SUGCT: variants seen among roughly 807,000 people sequenced by gnomAD.
The protein encoded by SUGCT is succinyl-CoA:glutarate-CoA transferase, also known as succinyl-CoA:glutarate CoA-transferase.
Under a neutral mutation model 55.0 loss-of-function variants are expected in SUGCT, and 41 were observed. The ratio of observed to expected loss-of-function variants is 0.74; its 90% CI spans 0.58 to 0.97. The LOEUF is 0.97. Among genes scored for constraint, SUGCT ranks in the 50% least tolerant of loss-of-function variants. SUGCT has a pLI of 0.00. For missense variants in SUGCT, 568 were observed against 547.8 expected, an observed-to-expected ratio of 1.04 and a Z score of -0.37; for synonymous variants, 187 against 200.4, an observed-to-expected ratio of 0.93 and a Z score of 0.56.
At chr7:40,817,371 G>A (rs923949708) in intron 13 of SUGCT, among the ~76,000 whole-genome samples, 8 of 152,004 alleles carry the variant, frequency 5.3e-5, no homozygotes, top group African/African-American at 1.2e-4. Context: ...CTGGGGAGTC[G>A]GGGGAAAAAA....
At chr7:40,402,423 G>A (rs1004930325) in intron 9 of SUGCT, among the ~76,000 whole-genome samples, 1 of 152,064 alleles carries the variant, frequency 6.6e-6, no homozygotes, top group African/African-American at 2.4e-5. Context: ...GAAAACAACT[G>A]CCTCAATTAA....
intron 9 of SUGCT, among the ~76,000 whole-genome samples, chr7:40,423,738 A>G (rs1031166581): frequency 6.6e-6 from 1 of 152,150 alleles, no homozygotes; most frequent in Non-Finnish European, 1.5e-5. Flanking sequence ...ACAGGATACT[A>G]TTGAAAAGGT....
At chr7:40,209,795 C>CA (rs1263199827) in intron 6 of SUGCT, among the ~76,000 whole-genome samples, 1 of 151,678 alleles carries the variant, frequency 6.6e-6, no homozygotes, top group Non-Finnish European at 1.5e-5. Context: ...GACTCTATCT[C>CA]AAAACAAAAC....
chr7:40,590,077 A>G (rs1026231296), intron 12 of SUGCT, among the ~76,000 whole-genome samples: 1 of 152,088 alleles, frequency 6.6e-6, no homozygotes, highest in African/African-American at 2.4e-5. Flanking sequence ...CATCATTAGT[A>G]TATCTGTTAT....
chr7:40,450,920 C>T (rs1210960059), intron 10 of SUGCT, among the ~76,000 whole-genome samples: 3 of 152,058 alleles, frequency 2.0e-5, no homozygotes, highest in Admixed American at 6.6e-5. Context: ...TGGGAAGGAC[C>T]AGGGAGAAGC....
chr7:40,917,147 C>A, the SUGCT span, among the ~76,000 whole-genome samples: 2 of 152,220 alleles, frequency 1.3e-5, no homozygotes, highest in Admixed American at 6.5e-5. Flanking sequence ...GGTTGAGAAG[C>A]ATTAGCTCCC....
intron 8 of SUGCT, among the ~76,000 whole-genome samples, chr7:40,304,719 G>GAAT (rs199825643): frequency 1.9e-3 from 123 of 63,228 alleles, no homozygotes; most frequent in Admixed American, 3.5e-3. Context: ...ACTTCACTTA[G>GAAT]AATAATAATA....
chr7:40,710,972 T>C (rs1438449291), intron 12 of SUGCT, among the ~76,000 whole-genome samples: 2 of 152,104 alleles, frequency 1.3e-5, no homozygotes, highest in Admixed American at 6.5e-5. Context: ...AAGGAAGGAA[T>C]TGGGAGTACA....
chr7:40,575,041 C>T (rs1201685564), intron 12 of SUGCT, among the ~76,000 whole-genome samples: 1 of 149,108 alleles, frequency 6.7e-6, no homozygotes, highest in Non-Finnish European at 1.5e-5. Context: ...TGCATCCCTC[C>T]TTAACTCATT....
intron 7 of SUGCT, among the ~76,000 whole-genome samples, chr7:40,265,255 TA>T (rs995062926): frequency 9.3e-4 from 141 of 152,258 alleles, no homozygotes; most frequent in African/African-American, 3.4e-3. Flanking sequence ...GCCAACTACT[TA>T]AAAAAAGTTT....
At chr7:40,680,403 G>T (rs1436799461) in intron 12 of SUGCT, among the ~76,000 whole-genome samples, 1 of 152,130 alleles carries the variant, frequency 6.6e-6, no homozygotes, top group Admixed American at 6.6e-5. Flanking sequence ...GTGTTACTTA[G>T]AAGTCTGTCT....
At chr7:40,924,007 C>T in the SUGCT span, among the ~76,000 whole-genome samples, 1 of 152,030 alleles carries the variant, frequency 6.6e-6, no homozygotes, top group South Asian at 2.1e-4. Flanking sequence ...GATTAGTGCC[C>T]TTATAAAAGA....
chr7:40,777,893 GTTCC>G, intron 13 of SUGCT, among the ~76,000 whole-genome samples: 1 of 152,234 alleles, frequency 6.6e-6, no homozygotes, highest in South Asian at 2.1e-4. Context: ...TTGAATCACA[GTTCC>G]TCTGCCTGAC....
intron 1 of SUGCT, among the ~76,000 whole-genome samples, chr7:40,135,365 C>G (rs1787623590): frequency 6.6e-6 from 1 of 152,262 alleles, no homozygotes; most frequent in African/African-American, 2.4e-5. Context: ...GGGTCCCGCT[C>G]CTGCGCGTCC....
the SUGCT span, among the ~76,000 whole-genome samples, chr7:40,906,632 G>A: frequency 6.6e-6 from 1 of 152,182 alleles, no homozygotes; most frequent in Non-Finnish European, 1.5e-5. Context: ...AAGTAGTCTA[G>A]AGGTGATTTA....
chr7:40,146,674 G>C (rs1325339261), intron 1 of SUGCT, among the ~76,000 whole-genome samples: 1 of 152,218 alleles, frequency 6.6e-6, no homozygotes, highest in African/African-American at 2.4e-5. Flanking sequence ...TCCACCCTGG[G>C]TGGGCCAGGT....
At chr7:40,157,938 G>A (rs1172521805) in intron 1 of SUGCT, among the ~76,000 whole-genome samples, 1 of 152,232 alleles carries the variant, frequency 6.6e-6, no homozygotes, top group East Asian at 1.9e-4. Context: ...GCCAGGCACA[G>A]TTGCTCACGC....
intron 12 of SUGCT, among the ~76,000 whole-genome samples, chr7:40,735,776 T>C (rs1787121747): frequency 6.6e-6 from 1 of 152,150 alleles, no homozygotes; most frequent in African/African-American, 2.4e-5. Context: ...CAGTAGATAT[T>C]CTAACCTGTT....
At position 40,160,489 on chromosome 7, in the gene SUGCT, A is replaced by G. The variant is rs1191207027; in HGVS notation, c.101-20458A>G. ...GGTGATCCACCCTCCTTGGCTTTCT[A>G]AAGTGCTGGGATTACAGGCGTGAGC... On this transcript the variant is annotated intron_variant, in intron 1 of 13. Transcript: ENST00000335693. Among the ~76,000 whole-genome samples the G allele has an allele frequency of 3.9e-5, 6 of 152,212 alleles. No homozygotes were observed. In the East Asian group the frequency reaches 1.2e-3, roughly 29 times the overall value.
Sources: allele counts gnomAD v4.1 joint callset (sites outside exome capture counted in the v4.1 genomes callset), GRCh38; gene constraint gnomAD v4.1.1; transcripts MANE v1.5; gene names NCBI Gene and HGNC (gene_info 2026-07-23, HGNC 2026-07-21).